Variants in DNAJC5 observed in about 807,000 individuals in gnomAD.
DNAJC5 encodes the protein DnaJ heat shock protein family (Hsp40) member C5, also known as dnaJ homolog subfamily C member 5.
Under a neutral mutation model 23.2 loss-of-function variants are expected in DNAJC5, and 1 was observed. The ratio of observed to expected loss-of-function variants is 0.04; its 90% CI spans 0.02 to 0.20. The LOEUF (loss-of-function observed/expected upper bound fraction) is 0.20, where lower values mean the gene tolerates loss of function less well. DNAJC5 is among the 10% of genes least tolerant of loss of function. DNAJC5 has a pLI of 1.00. For missense variants in DNAJC5, 180 were observed against 267.0 expected (o/e 0.67, Z 2.27); for synonymous variants, 136 against 120.0 (o/e 1.13, Z -0.87).
chr20:63,901,031 C>T (rs966681105), intron 1 of DNAJC5, among the ~76,000 whole-genome samples: 4 of 152,194 alleles, frequency 2.6e-5, no homozygotes, highest in Non-Finnish European at 5.9e-5. Flanking sequence ...GTGGCACGAT[C>T]GTGTCTCACT....
chr20:63,912,932 A>G (rs576713497), intron 1 of DNAJC5, among the ~76,000 whole-genome samples: 2 of 152,128 alleles, frequency 1.3e-5, no homozygotes, highest in South Asian at 2.1e-4. Flanking sequence ...ATGGTTCATC[A>G]CAGATTTTAA....
chr20:63,928,186 C>T lies in DNAJC5; in HGVS notation c.-11-149C>T, dbSNP rs192050117. 1.4e-3 allele frequency: 929 copies of T among 676,818 alleles called. 4 individuals carry two copies. The highest frequency in any genetic ancestry group is 2.0e-3 in the Non-Finnish European group (759 of 377,156). The allele number at this position is 676,818 out of a possible 1,614,324, so 41.9% of individuals were successfully genotyped here. On this transcript the variant is annotated intron_variant, in intron 1 of 4. Coordinates refer to ENST00000360864, the MANE Select transcript of DNAJC5 (RefSeq NM_025219.3). This position sits in a 1 kb window ranked among gnomAD's most constrained non-coding sequence, Gnocchi z 4.6. Reference sequence around the variant, plus strand: ...TCTGCCGTCTCACACTTCTCCATGCCATGGCGTCTGTCTGTGCACGTGGCA... The same window carrying T: ...TCTGCCGTCTCACACTTCTCCATGCTATGGCGTCTGTCTGTGCACGTGGCA...
At chr20:63,908,793 C>T (rs940011506) in intron 1 of DNAJC5, among the ~76,000 whole-genome samples, 1 of 152,074 alleles carries the variant, frequency 6.6e-6, no homozygotes, top group African/African-American at 2.4e-5. Context: ...GAGTGAGACC[C>T]CATCTCAAAA....
intron 1 of DNAJC5, among the ~76,000 whole-genome samples, chr20:63,914,092 G>T (rs954196988): frequency 3.9e-5 from 6 of 152,174 alleles, no homozygotes; most frequent in African/African-American, 1.4e-4. Flanking sequence ...CTCACCGTTG[G>T]CCGAGTACCT....
Position 63,929,197 on chromosome 20 carries a change from TG to T in DNAJC5, c.108-112del. ...TGGAGAGTCGGACAGTGAGGTGGCC[TG>T]GGTGGACCTGCCTTCCACTGCACCC... On this transcript the variant is annotated intron_variant, in intron 2 of 4. Transcript: ENST00000360864. The surrounding 1 kb of genome is among the most constrained non-coding windows in gnomAD (Gnocchi z 8.6). The T allele has an allele frequency of 8.1e-7, 1 of 1,236,950 alleles. No individual in the cohort carries two copies. The highest frequency in any genetic ancestry group is 1.2e-6 in the Non-Finnish European group (1 of 863,734). 76.6% of individuals were successfully genotyped at this position (1,236,950 alleles called of 1,614,324 possible).
rs2053684931 is a variant in DNAJC5, at chr20:63,932,822, T to A, written c.*1254T>A. 2 of 152,168 alleles carry A rather than the reference T, an allele frequency of 1.3e-5. No individual in the cohort carries two copies. Among genetic ancestry groups the A allele is most frequent in the African/African-American group, 4.8e-5 (2 of 41,286 alleles). The allele number at this position is 152,168 out of a possible 1,614,324, so 9.4% of individuals were successfully genotyped here. The stretch of plus-strand genomic sequence containing the variant: ...GGAGGCCGGCAGCCAGGCCACGGAA[T>A]CCACACGTGGACCATTGTGGGTCCC... On this transcript the variant is annotated 3_prime_UTR_variant, in exon 5 of 5. Transcript: ENST00000360864. This position sits in a 1 kb window ranked among gnomAD's most constrained non-coding sequence, Gnocchi z 4.4.
chr20:63,922,861 C>G (rs890587987), intron 1 of DNAJC5, among the ~76,000 whole-genome samples: 3 of 152,148 alleles, frequency 2.0e-5, no homozygotes, highest in Non-Finnish European at 2.9e-5. Flanking sequence ...AGGTTTTAGC[C>G]GGACATGGTG....
chr20:63,921,363 T>G (rs6122213), intron 1 of DNAJC5, among the ~76,000 whole-genome samples: 31,153 of 151,902 alleles, frequency 0.21, 4,844 homozygotes, highest in East Asian at 0.58. Flanking sequence ...AGGCCGAGGC[T>G]GGTGGATCAC....
At chr20:63,904,090 T>G (rs2053431885) in intron 1 of DNAJC5, among the ~76,000 whole-genome samples, 1 of 152,086 alleles carries the variant, frequency 6.6e-6, no homozygotes. Context: ...CACTCTGAAA[T>G]GAGGCAAACC....
rs756889581 is a variant in DNAJC5, at chr20:63,931,043, C to CTG, written c.493+21_493+22insTG. ...GAGGGGTGAGTGCCCGCCCCAGGGC[C>CTG]CGTGTGTGTGTGTGGGGCAGAGCCA... On this transcript the variant is annotated intron_variant, in intron 4 of 4. Coordinates refer to ENST00000360864, the MANE Select transcript of DNAJC5 (RefSeq NM_025219.3). This position sits in a 1 kb window ranked among gnomAD's most constrained non-coding sequence, Gnocchi z 9.6. The CTG allele has an allele frequency of 1.2e-3, 1,880 of 1,608,148 alleles. 7 individuals carry two copies. The highest frequency in any genetic ancestry group is 9.8e-3 in the Middle Eastern group (59 of 6,050).
At chr20:63,905,139 G>A (rs118094435) in intron 1 of DNAJC5, among the ~76,000 whole-genome samples, 8,557 of 142,348 alleles carry the variant, frequency 0.06, 400 homozygotes, top group Non-Finnish European at 0.081. Context: ...GTATGTGATG[G>A]GGTCTCGCTC....
In DNAJC5 at chr20:63,934,069, C is replaced by G. The variant is rs1359817336; in HGVS notation, c.*2501C>G. On this transcript the variant is annotated 3_prime_UTR_variant, in exon 5 of 5. Transcript: ENST00000360864. ...TCTCACGGTGGTGATTGTGATTAGA[C>G]GACCCCCGGGAAGCCCAGACACTCG... 1 of 152,278 alleles carries G rather than the reference C, an allele frequency of 6.6e-6. No homozygotes were observed. Among genetic ancestry groups the G allele is most frequent in the African/African-American group, 2.4e-5 (1 of 41,438 alleles). 9.4% of individuals were successfully genotyped at this position (152,278 alleles called of 1,614,324 possible).
rs1396030236 is a variant in DNAJC5 at position 63,934,601 on chromosome 20, ACGTGGGATTTTTTTGT to A, written c.*3035_*3050del. 1.3e-5 allele frequency: 2 copies of A among 152,252 alleles called. No individual in the cohort carries two copies. Among genetic ancestry groups the A allele is most frequent in the Non-Finnish European group, 2.9e-5 (2 of 68,056 alleles). The allele number at this position is 152,252 out of a possible 1,614,324, so 9.4% of individuals were successfully genotyped here. A position where few individuals can be genotyped will look rare whatever the true frequency, so the allele number is the denominator to read the frequency against. On this transcript the variant is annotated 3_prime_UTR_variant, in exon 5 of 5. Coordinates refer to ENST00000360864, the MANE Select transcript of DNAJC5 (RefSeq NM_025219.3). ...TGTATAGATTTGTCTCCACTCAGTGACGTGGGATTTTTTTGTCTTCCTTTTGGCTTTATTTTTAAAC... is the reference window on the plus strand; with the variant it reads ...TGTATAGATTTGTCTCCACTCAGTGACTTCCTTTTGGCTTTATTTTTAAAC...
At chr20:63,913,601 G>A (rs1237747293) in intron 1 of DNAJC5, among the ~76,000 whole-genome samples, 1 of 149,848 alleles carries the variant, frequency 6.7e-6, no homozygotes, top group Non-Finnish European at 1.5e-5. Flanking sequence ...GTTGAGACAG[G>A]GTCTCTTTGT....
intron 3 of DNAJC5, among the ~76,000 whole-genome samples, chr20:63,930,031 G>A (rs1324097983): frequency 2.6e-5 from 4 of 152,202 alleles, no homozygotes; most frequent in Non-Finnish European, 5.9e-5. Flanking sequence ...AATAAGCCTC[G>A]ATGTTACATC....
intron 1 of DNAJC5, among the ~76,000 whole-genome samples, chr20:63,905,008 T>G (rs2053438156): frequency 6.6e-6 from 1 of 151,934 alleles, no homozygotes; most frequent in East Asian, 1.9e-4. Context: ...TTTCACCATG[T>G]TGGCCAGGCT....
Position 63,930,958 on chromosome 20 carries a change from C to T in DNAJC5, c.429C>T (p.Gly143=), listed in dbSNP as rs753956759. ...AGTGTAAGCCCAAGGCGCCTGAAGG[C>T]GAGGAGACGGAGTTCTACGTGTCCC... is the stretch of plus-strand genomic sequence containing the variant. ...CGKCKPKAPE[G]EETEFYVSPE... Residue 143 remains glycine (G), a synonymous_variant, in exon 4 of 5, where the codon GGC becomes GGT. Coordinates refer to ENST00000360864, the MANE Select transcript of DNAJC5 (RefSeq NM_025219.3). 11 of 1,614,036 alleles carry T rather than the reference C, an allele frequency of 6.8e-6. No homozygotes were observed. The highest frequency in any genetic ancestry group is 2.2e-5 in the East Asian group (1 of 44,900).
intron 1 of DNAJC5, among the ~76,000 whole-genome samples, chr20:63,917,101 A>G (rs906873476): frequency 1.3e-5 from 2 of 152,228 alleles, no homozygotes; most frequent in Non-Finnish European, 2.9e-5. Context: ...TTAAAGTAAG[A>G]CAGGCTTAAG....
At chr20:63,902,267 G>A (rs941639622) in intron 1 of DNAJC5, among the ~76,000 whole-genome samples, 1 of 151,532 alleles carries the variant, frequency 6.6e-6, no homozygotes, top group Non-Finnish European at 1.5e-5. Flanking sequence ...TGTTAGCCAG[G>A]ATGGTCTCGA....
Sources: allele counts gnomAD v4.1 joint callset (sites outside exome capture counted in the v4.1 genomes callset), GRCh38; gene constraint gnomAD v4.1.1; non-coding constraint Gnocchi (gnomAD v3.1); transcripts MANE v1.5; gene names NCBI Gene and HGNC (gene_info 2026-07-23, HGNC 2026-07-21).